Variants in NBAS observed in about 807,000 individuals in gnomAD.
NBAS encodes the protein NAG/BC035112 fusion.
Under a neutral mutation model 302.5 loss-of-function variants are expected in NBAS, and 219 were observed. The observed-to-expected ratio is 0.72, with a 90% CI of 0.65 to 0.81. The LOEUF (loss-of-function observed/expected upper bound fraction) is 0.81, where lower values mean the gene tolerates loss of function less well. Among genes scored for constraint, NBAS ranks in the 30% least tolerant of loss-of-function variants. NBAS has a pLI of 0.00. For synonymous variants in NBAS, 1,118 were observed against 1,021.6 expected (o/e 1.09, Z -1.80); for missense variants, 2,932 against 2,841.6 (o/e 1.03, Z -0.72).
chr2:14,814,960 G>T, the NBAS span, among the ~76,000 whole-genome samples: 1 of 152,048 alleles, frequency 6.6e-6, no homozygotes, highest in Non-Finnish European at 1.5e-5. Context: ...CTCAAGTCTG[G>T]TTATTTAAAA....
intron 40 of NBAS, among the ~76,000 whole-genome samples, chr2:15,301,761 G>A (rs1670807175): frequency 6.6e-6 from 1 of 152,248 alleles, no homozygotes; most frequent in South Asian, 2.1e-4. Flanking sequence ...ATCCAGCTTG[G>A]AGGACTGGAG....
At position 15,251,899 on chromosome 2, in the gene NBAS, C is replaced by T. The variant is rs553256946; in HGVS notation, c.5725-13213G>A. Reference sequence around the variant, plus strand: ...CAGTAAGTTTCAGCCTTATTTCACCCAGCTCCTATTCAAGATGGAGTTGCT... The same window carrying T: ...CAGTAAGTTTCAGCCTTATTTCACCTAGCTCCTATTCAAGATGGAGTTGCT... On this transcript the variant is annotated intron_variant, in intron 44 of 51. Transcript: ENST00000281513. 3.3e-5 allele frequency among the ~76,000 whole-genome samples: 5 copies of T among 152,310 alleles called. No individual in the cohort carries two copies. In the East Asian group the frequency reaches 7.7e-4, roughly 24 times the overall value.
chr2:15,311,306 T>C lies in NBAS; in HGVS notation c.4583-2059A>G, dbSNP rs574824151. 2.6e-5 allele frequency among the ~76,000 whole-genome samples: 4 copies of C among 152,296 alleles called. No homozygotes were observed. In the East Asian group the frequency reaches 7.7e-4, roughly 29 times the overall value. ...TTTCTGGTTTTCAAAGCATTTTGCATTTGGGGTCTGAAGCAGTAAATAAGG... is the reference window on the plus strand; with the variant it reads ...TTTCTGGTTTTCAAAGCATTTTGCACTTGGGGTCTGAAGCAGTAAATAAGG... On this transcript the variant is annotated intron_variant, in intron 38 of 51. Coordinates refer to ENST00000281513, the MANE Select transcript of NBAS (RefSeq NM_015909.4).
At chr2:15,448,480 T>C (rs993495955) in intron 21 of NBAS, among the ~76,000 whole-genome samples, 1 of 152,178 alleles carries the variant, frequency 6.6e-6, no homozygotes, top group Non-Finnish European at 1.5e-5. Flanking sequence ...ATAACACAGC[T>C]AGCATGTACT....
the NBAS span, among the ~76,000 whole-genome samples, chr2:14,999,801 G>A: frequency 6.6e-6 from 1 of 152,162 alleles, no homozygotes; most frequent in Non-Finnish European, 1.5e-5. Flanking sequence ...TGGGTTGGAA[G>A]CAGAAGACCT....
chr2:15,379,728 A>G lies in NBAS; in HGVS notation c.3464T>C (p.Ile1155Thr), dbSNP rs762481968. ...GTAGTGGGGTTTCCCTTTATGGGCT[A>G]TACCAGCTGGAGGATTTTCTGAACA... is the stretch of plus-strand genomic sequence containing the variant. ...SACSENPPAG[I>T]AHKGKPHYRV... Residue 1155 changes from isoleucine (I) to threonine (T), a missense_variant, in exon 30 of 52, where the codon ATA becomes ACA. Coordinates refer to ENST00000281513, the MANE Select transcript of NBAS (RefSeq NM_015909.4). 1.9e-6 allele frequency: 3 copies of G among 1,614,084 alleles called. No homozygotes were observed. In the South Asian group the frequency reaches 3.3e-5, roughly 18 times the overall value.
intron 50 of NBAS, among the ~76,000 whole-genome samples, chr2:15,183,804 G>A (rs542830506): frequency 2.4e-4 from 36 of 152,346 alleles, no homozygotes; most frequent in African/African-American, 8.7e-4. Context: ...TTCCCATGGA[G>A]TGTGTGAGGA....
At chr2:15,195,226 T>C (rs1026593655) in intron 48 of NBAS, among the ~76,000 whole-genome samples, 1 of 152,020 alleles carries the variant, frequency 6.6e-6, no homozygotes, top group Non-Finnish European at 1.5e-5. Context: ...ATTTAAGAGG[T>C]GATTGGGTCA....
At chr2:15,252,750 C>T (rs1015613892) in intron 44 of NBAS, among the ~76,000 whole-genome samples, 8 of 152,110 alleles carry the variant, frequency 5.3e-5, no homozygotes, top group Non-Finnish European at 1.2e-4. Context: ...TCTCTCCCTC[C>T]TCCTTTTCAT....
intron 9 of NBAS, among the ~76,000 whole-genome samples, chr2:15,513,100 C>G (rs1662219515): frequency 6.6e-6 from 1 of 152,132 alleles, no homozygotes; most frequent in Admixed American, 6.5e-5. Context: ...TGGAATGTAG[C>G]CCAACTCAAA....
chr2:15,498,631 G>C (rs1681161172), intron 11 of NBAS, among the ~76,000 whole-genome samples: 1 of 152,140 alleles, frequency 6.6e-6, no homozygotes, highest in Non-Finnish European at 1.5e-5. Context: ...TGTCAAATTG[G>C]AGGGGCCTGA....
rs2148571850 is a variant in NBAS, at chr2:15,467,329, C to T, written c.2097G>A (p.Glu699=). 3.1e-6 allele frequency: 5 copies of T among 1,606,776 alleles called. No individual in the cohort carries two copies. The highest frequency in any genetic ancestry group is 4.3e-6 in the Non-Finnish European group (5 of 1,173,598). ...LTYLDRLATY[E]EILGVPHASE... ...TGGTTTGACAAAAATTATTCATTAC[C>T]TCATATGTTGCAAGTCGATCTAAGT... Residue 699 remains glutamate, a splice_region_variant and synonymous_variant, in exon 19 of 52, where the codon GAG becomes GAA. Coordinates refer to ENST00000281513, the MANE Select transcript of NBAS (RefSeq NM_015909.4).
At chr2:15,541,595 T>C (rs753738984) in intron 6 of NBAS, among the ~76,000 whole-genome samples, 1 of 152,100 alleles carries the variant, frequency 6.6e-6, no homozygotes, top group Non-Finnish European at 1.5e-5. Context: ...GGAGAGGTCA[T>C]TCAGCATGGA....
chr2:14,957,239 T>G, the NBAS span, among the ~76,000 whole-genome samples: 5 of 151,984 alleles, frequency 3.3e-5, no homozygotes, highest in Admixed American at 1.3e-4. Context: ...GCCCTGTTTC[T>G]CTGGATAATA....
chr2:15,034,302 A>T, the NBAS span, among the ~76,000 whole-genome samples: 4 of 132,064 alleles, frequency 3.0e-5, 1 homozygote, highest in East Asian at 2.4e-4. Context: ...GAAAGAAAGA[A>T]AGATGGAGAG....
the NBAS span, among the ~76,000 whole-genome samples, chr2:14,910,381 G>C: frequency 1.3e-5 from 2 of 152,190 alleles, no homozygotes; most frequent in African/African-American, 2.4e-5. Context: ...TAAGGAGTTT[G>C]CACTACCCTA....
chr2:15,017,833 G>A, the NBAS span, among the ~76,000 whole-genome samples: 1 of 152,022 alleles, frequency 6.6e-6, no homozygotes, highest in Non-Finnish European at 1.5e-5. Flanking sequence ...GTATATCAAA[G>A]AGACATCTGC....
the NBAS span, among the ~76,000 whole-genome samples, chr2:14,876,319 A>C: frequency 0.41 from 61,742 of 151,978 alleles, 16,375 homozygotes; most frequent in African/African-American, 0.76. Flanking sequence ...GATTAACAGA[A>C]CTAGTGTATC....
intron 38 of NBAS, among the ~76,000 whole-genome samples, chr2:15,312,671 T>G (rs1671333210): frequency 6.6e-6 from 1 of 152,228 alleles, no homozygotes; most frequent in African/African-American, 2.4e-5. Context: ...CAACTCCTTG[T>G]TGGACACTGC....
Sources: allele counts gnomAD v4.1 joint callset (sites outside exome capture counted in the v4.1 genomes callset), GRCh38; gene constraint gnomAD v4.1.1; transcripts MANE v1.5; gene names NCBI Gene and HGNC (gene_info 2026-07-23, HGNC 2026-07-21).